DOCK3: variants seen among roughly 807,000 people sequenced by gnomAD.
DOCK3 encodes dedicator of cytokinesis 3.
DOCK3 carries 60 observed loss-of-function variants against 265.6 expected under a neutral mutation model. The ratio of observed to expected loss-of-function variants is 0.23; its 90% confidence interval spans 0.18 to 0.28. The LOEUF (loss-of-function observed/expected upper bound fraction) is 0.28, where lower values mean the gene tolerates loss of function less well. Ranked by LOEUF, DOCK3 falls within the 10% of genes least tolerant of loss-of-function variation. The pLI is 1.00. For missense variants in DOCK3, 1,981 were observed against 2,594.3 expected (o/e 0.76, Z 5.14); for synonymous variants, 881 against 938.0 (o/e 0.94, Z 1.11).
rs375936825 is a variant in DOCK3 at position 50,695,290 on chromosome 3, A to G, written c.37+19990A>G. Among the ~76,000 whole-genome samples the G allele has an allele frequency of 3.3e-5, 5 of 152,396 alleles. No individual in the cohort carries two copies. In the East Asian group the frequency reaches 5.8e-4, roughly 18 times the overall value. ...AAGGAACTCAGTTCTTCACAAATTAAGGAGCCTGTTTTTACCTCAAATACT... is the reference window on the plus strand; with the variant it reads ...AAGGAACTCAGTTCTTCACAAATTAGGGAGCCTGTTTTTACCTCAAATACT... On this transcript the variant is annotated intron_variant, in intron 1 of 52. Transcript: ENST00000266037.
At chr3:51,111,837 A>G (rs1042445767) in intron 9 of DOCK3, among the ~76,000 whole-genome samples, 2 of 152,138 alleles carry the variant, frequency 1.3e-5, no homozygotes, top group East Asian at 1.9e-4. Context: ...ATATCCATCT[A>G]TAAGAAACTT....
chr3:51,022,512 G>A (rs2079635084), intron 5 of DOCK3, among the ~76,000 whole-genome samples: 1 of 152,126 alleles, frequency 6.6e-6, no homozygotes, highest in South Asian at 2.1e-4. Flanking sequence ...AGTTACATGT[G>A]TGTTAGATAC....
chr3:51,105,152 G>A (rs1169776575), intron 9 of DOCK3, among the ~76,000 whole-genome samples: 4 of 152,196 alleles, frequency 2.6e-5, no homozygotes, highest in Non-Finnish European at 1.5e-5. Context: ...AGTATGAATG[G>A]TGAAATCAGA....
At chr3:50,883,917 G>A (rs1470495303) in intron 3 of DOCK3, among the ~76,000 whole-genome samples, 2 of 151,814 alleles carry the variant, frequency 1.3e-5, no homozygotes, top group African/African-American at 2.4e-5. Flanking sequence ...ACAACCATAT[G>A]ACTTCTTTCT....
intron 12 of DOCK3, among the ~76,000 whole-genome samples, chr3:51,189,041 C>T (rs2087783617): frequency 6.6e-6 from 1 of 152,114 alleles, no homozygotes; most frequent in South Asian, 2.1e-4. Flanking sequence ...AGTGGCTGTA[C>T]TAGTTTACAT....
In DOCK3 at chr3:51,208,821, G is replaced by A. The variant is rs1325377187; in HGVS notation, c.1085G>A (p.Arg362Gln). Residue 362 changes from arginine (R) to glutamine (Q), a missense_variant, in exon 13 of 53, where the codon CGA becomes CAA. Arg to Gln is a conservative substitution (Grantham distance 43). Around this residue, in one of 4 missense-constraint regions of DOCK3, gnomAD observed 456 missense variants for 539.0 expected, o/e 0.85. Coordinates refer to ENST00000266037, the MANE Select transcript of DOCK3 (RefSeq NM_004947.5). Reference protein sequence around the residue: ...EWSQIHENIIRKSSAKYSAPS... With the variant: ...EWSQIHENIIQKSSAKYSAPS... ...TCCCAGATCCACGAGAACATCATCC[G>A]AAAGTCCAGTGCCAAGTACTCTGCC... 2.5e-6 allele frequency: 4 copies of A among 1,611,990 alleles called. No homozygotes were observed. Among genetic ancestry groups the A allele is most frequent in the Non-Finnish European group, 1.7e-6 (2 of 1,179,270 alleles).
At chr3:51,029,502 A>G (rs1255984473) in intron 5 of DOCK3, among the ~76,000 whole-genome samples, 1 of 152,198 alleles carries the variant, frequency 6.6e-6, no homozygotes, top group East Asian at 1.9e-4. Context: ...CATGTCTGCA[A>G]CAGTGCACTG....
intron 3 of DOCK3, among the ~76,000 whole-genome samples, chr3:50,847,881 T>TAA (rs1559718299): frequency 0.16 from 612 of 3,746 alleles, 13 homozygotes; most frequent in African/African-American, 0.28. Flanking sequence ...AGGCTCCATT[T>TAA]CAAAAAAAAA....
intron 3 of DOCK3, among the ~76,000 whole-genome samples, chr3:50,858,042 T>G (rs2046698076): frequency 6.6e-6 from 1 of 152,158 alleles, no homozygotes; most frequent in African/African-American, 2.4e-5. Flanking sequence ...TGTCCATCAA[T>G]GATAGACTGA....
At chr3:51,253,246 G>T (rs2079359520) in intron 22 of DOCK3, among the ~76,000 whole-genome samples, 1 of 152,182 alleles carries the variant, frequency 6.6e-6, no homozygotes, top group Admixed American at 6.5e-5. Context: ...TTTTTGATGT[G>T]CTACTGGATT....
chr3:50,770,738 G>C (rs2041223787), intron 1 of DOCK3, among the ~76,000 whole-genome samples: 1 of 152,140 alleles, frequency 6.6e-6, no homozygotes, highest in Non-Finnish European at 1.5e-5. Flanking sequence ...AGAGAACCCA[G>C]AAACAAGGTT....
At chr3:51,203,462 G>T in intron 12 of DOCK3, among the ~76,000 whole-genome samples, 1 of 152,180 alleles carries the variant, frequency 6.6e-6, no homozygotes, top group Non-Finnish European at 1.5e-5. Flanking sequence ...TACAAGGGAC[G>T]TGAAGGACCT....
intron 4 of DOCK3, among the ~76,000 whole-genome samples, chr3:50,906,561 A>G (rs1221747478): frequency 6.6e-6 from 1 of 151,948 alleles, no homozygotes; most frequent in Non-Finnish European, 1.5e-5. Flanking sequence ...AGAGGTGTTT[A>G]TAGTATTCTC....
intron 1 of DOCK3, among the ~76,000 whole-genome samples, chr3:50,752,223 G>A (rs1012060371): frequency 7.9e-5 from 12 of 151,966 alleles, no homozygotes; most frequent in African/African-American, 2.7e-4. Flanking sequence ...ACTACTTAGC[G>A]ACTATAGCCA....
chr3:51,216,387 G>A (rs975157345), intron 14 of DOCK3, among the ~76,000 whole-genome samples: 2 of 152,172 alleles, frequency 1.3e-5, no homozygotes, highest in African/African-American at 4.8e-5. Flanking sequence ...GGCAAGCTGA[G>A]GTTAAGGGGG....
chr3:50,959,558 G>A (rs34964126), intron 5 of DOCK3, among the ~76,000 whole-genome samples: 83,143 of 139,130 alleles, frequency 0.6, 25,709 homozygotes, highest in Middle Eastern at 0.72. Flanking sequence ...GTGTGTGTGT[G>A]TATATATATA....
At chr3:50,698,517 G>GTTTTTTTTTATTTTTTTTTTTTT (rs2035796074) in intron 1 of DOCK3, among the ~76,000 whole-genome samples, 1 of 19,506 alleles carries the variant, frequency 5.1e-5, no homozygotes, top group Non-Finnish European at 1.2e-4. Context: ...TATGTTTTTG[G>GTTTTTTTTTATTTTTTTTTTTTT]TTTTTTTTTT....
At chr3:51,003,448 T>C (rs2078555501) in intron 5 of DOCK3, among the ~76,000 whole-genome samples, 1 of 152,232 alleles carries the variant, frequency 6.6e-6, no homozygotes, top group Non-Finnish European at 1.5e-5. Context: ...AATTTCTAGT[T>C]ATAGTACAGT....
intron 1 of DOCK3, among the ~76,000 whole-genome samples, chr3:50,739,335 C>T (rs896975044): frequency 1.3e-5 from 2 of 151,680 alleles, no homozygotes; most frequent in African/African-American, 4.8e-5. Context: ...TTTTTTAGAC[C>T]AACCAAATCA....
Sources: gnomAD v4.1 joint callset for allele counts (sites outside exome capture counted in the v4.1 genomes callset) on GRCh38, gnomAD v4.1.1 for gene constraint, gnomAD v4.1.1 regional missense constraint, MANE v1.5 for transcripts, NCBI Gene and HGNC (gene_info 2026-07-23, HGNC 2026-07-21) for gene names.